The following ADGRG4 variants were observed in gnomAD, a reference collection of about 807,000 sequenced individuals.
ADGRG4 encodes G protein-coupled receptor 112.
ADGRG4 carries 122 observed loss-of-function variants against 126.2 expected under a neutral mutation model. The observed-to-expected ratio is 0.97, with a 90% CI of 0.83 to 1.12. The LOEUF is 1.12. Among genes scored for constraint, ADGRG4 ranks in the 50% most tolerant of loss-of-function variants. The pLI is 0.00. For synonymous variants in ADGRG4, 943 were observed against 838.7 expected (o/e 1.12, Z -2.15); for missense variants, 2,481 against 2,251.8 (o/e 1.10, Z -2.06).
At chrX:136,416,354 C>T in intron 25 of ADGRG4, 100 bp from the exon 26 acceptor site, 1 of 616,416 alleles carries the variant, frequency 1.6e-6, no homozygotes, top group Non-Finnish European at 2.6e-6. Flanking sequence ...CTTCTAATTG[C>T]TTTATTTTTT....
In ADGRG4 at chrX:136,348,073, C is replaced by T. The variant is rs2075031677; in HGVS notation, c.4367C>T (p.Ser1456Phe). 1 of 1,208,396 alleles carries T rather than the reference C, an allele frequency of 8.3e-7. No individual in the cohort carries two copies. The highest frequency in any genetic ancestry group is 1.1e-6 in the Non-Finnish European group (1 of 892,354). ...GTGACTTCAGTTGCCTCTTTCATTT[C>T]TGAAAGCACACAGACTTTCCCTGAG... ...PEVTSVASFISESTQTFPESL... is the reference protein window; with the variant it reads ...PEVTSVASFIFESTQTFPESL... Residue 1456 changes from serine (S) to phenylalanine (F), a missense_variant, in exon 6 of 26, where the codon TCT (serine) becomes TTT (phenylalanine). Ser to Phe is a radical substitution (Grantham distance 155). Coordinates refer to ENST00000394143, the MANE Select transcript of ADGRG4 (RefSeq NM_153834.4).
chrX:136,319,741 ATCT>A (rs1362135241), intron 4 of ADGRG4, among the ~76,000 whole-genome samples: 1 of 107,156 alleles, frequency 9.3e-6, no homozygotes, highest in Non-Finnish European at 1.9e-5. Flanking sequence ...CTATCTATCT[ATCT>A]ATCTATCATC....
At chrX:136,413,565 C>T (rs2075458622) in intron 24 of ADGRG4, among the ~76,000 whole-genome samples, 2 of 111,144 alleles carry the variant, frequency 1.8e-5, no homozygotes, top group Non-Finnish European at 1.9e-5. Context: ...ATATCAGCAA[C>T]CTGCTGGTCC....
chrX:136,348,316 C>A lies in ADGRG4; in HGVS notation c.4610C>A (p.Thr1537Asn). ...TCTGACACTCCCCCAATAGTGATAA[C>A]TAAATCTTCTAAAACAATGCATCCA... is the stretch of plus-strand genomic sequence containing the variant. ...KVSDTPPIVI[T>N]KSSKTMHPGC... Residue 1537 changes from threonine to asparagine, a missense_variant, in exon 6 of 26, where the codon ACT becomes AAT. Thr to Asn is a moderately conservative substitution (Grantham distance 65). Coordinates refer to ENST00000394143, the MANE Select transcript of ADGRG4 (RefSeq NM_153834.4). 8.3e-7 allele frequency: 1 copy of A among 1,208,984 alleles called. No homozygotes were observed.
At chrX:136,304,474 T>C (rs1404595979) in intron 2 of ADGRG4, among the ~76,000 whole-genome samples, 2 of 112,356 alleles carry the variant, frequency 1.8e-5, no homozygotes, top group African/African-American at 6.5e-5. Flanking sequence ...CCAGAGATAT[T>C]TGATGACATA....
rs769608184 is a variant in ADGRG4, at chrX:136,355,915, G to A, written c.6888-211G>A. Among the ~76,000 whole-genome samples, 6 of 111,579 alleles carry A rather than the reference G, an allele frequency of 5.4e-5. No individual in the cohort carries two copies. The Admixed American group carries it at 5.7e-4, about 11-fold the overall frequency. On this transcript the variant is annotated intron_variant, in intron 8 of 25. Transcript: ENST00000394143. ...TTATGGAATAGATTCCAGGATGCAAGGTTAATAAATCAAAGGCTTGCCACC... is the reference window on the plus strand; with the variant it reads ...TTATGGAATAGATTCCAGGATGCAAAGTTAATAAATCAAAGGCTTGCCACC...
chrX:136,413,251 A>G (rs1314980496), intron 24 of ADGRG4, among the ~76,000 whole-genome samples: 2 of 33,186 alleles, frequency 6.0e-5, no homozygotes, highest in Non-Finnish European at 1.1e-4. Flanking sequence ...CCCGCACCCC[A>G]CAACAGTCCC....
intron 5 of ADGRG4, among the ~76,000 whole-genome samples, chrX:136,343,277 G>A (rs903742827): frequency 1.8e-5 from 2 of 110,946 alleles, no homozygotes; most frequent in African/African-American, 6.6e-5. Flanking sequence ...TACCAGAAGA[G>A]GACCCAGTTT....
rs750733398 is a variant in ADGRG4 at position 136,412,349 on chromosome X, G to A, written c.9020G>A (p.Arg3007Gln). Residue 3007 changes from arginine (R) to glutamine (Q), a missense_variant, in exon 24 of 26, where the codon CGA (arginine) becomes CAA (glutamine). Coordinates refer to ENST00000394143, the MANE Select transcript of ADGRG4 (RefSeq NM_153834.4). ...ATACACCTCTGCTGTGGGTGGTTGC[G>A]ATTGGATAACTCTTCTGGTAAGATG... Reference protein sequence around the residue: ...WQIHLCCGWLRLDNSSDGSSR... With the variant: ...WQIHLCCGWLQLDNSSDGSSR... 3.0e-5 allele frequency: 35 copies of A among 1,165,517 alleles called. No individual in the cohort carries two copies. The highest frequency in any genetic ancestry group is 8.9e-5 in the East Asian group (3 of 33,657).
Position 136,399,768 on chromosome X carries a change from T to C in ADGRG4, c.8307-80T>C, listed in dbSNP as rs1336191403. ...GTAATTCTTTTATTCTTTCACTTAT[T>C]ATGTAGATAAGATGTGGCGATGTTT... On this transcript the variant is annotated intron_variant, in intron 20 of 25. Transcript: ENST00000394143. 5 of 825,794 alleles carry C rather than the reference T, an allele frequency of 6.1e-6. No homozygotes were observed. In the Admixed American group the frequency reaches 1.2e-4, roughly 20 times the overall value. The allele number at this position is 825,794 out of a possible 1,213,427, so 68.1% of individuals were successfully genotyped here.
rs375011333 is a variant in ADGRG4, at chrX:136,347,481, G to A, written c.3775G>A (p.Asp1259Asn). 1 of 1,206,798 alleles carries A rather than the reference G, an allele frequency of 8.3e-7. No homozygotes were observed. Among genetic ancestry groups the A allele is most frequent in the Non-Finnish European group, 1.1e-6 (1 of 892,343 alleles). Residue 1259 changes from aspartate (D) to asparagine (N), a missense_variant, in exon 6 of 26, where the codon GAC becomes AAC. Transcript: ENST00000394143. ...CACCTCTGTCTTATCTTCCGACAAA[G>A]ACCAGATGACCATATCCCTGGGAAA... is the stretch of plus-strand genomic sequence containing the variant. ...TSTSVLSSDK[D>N]QMTISLGKTP...
chrX:136,373,582 A>G (rs2075207794), intron 15 of ADGRG4, among the ~76,000 whole-genome samples: 1 of 112,000 alleles, frequency 8.9e-6, no homozygotes, highest in Non-Finnish European at 1.9e-5. Flanking sequence ...AAGTAATAAA[A>G]TGTACATATA....
At chrX:136,366,963 C>A (rs896571649) in intron 13 of ADGRG4, among the ~76,000 whole-genome samples, 7 of 110,628 alleles carry the variant, frequency 6.3e-5, no homozygotes, top group African/African-American at 9.9e-5. Context: ...GAGGGTGGAA[C>A]CTTCATGAAT....
intron 16 of ADGRG4, among the ~76,000 whole-genome samples, chrX:136,391,421 A>G (rs1169431142): frequency 1.8e-5 from 2 of 111,679 alleles, no homozygotes; most frequent in Non-Finnish European, 3.8e-5. Context: ...AGCAAGCCCC[A>G]CTTCTCAAGA....
chrX:136,392,654 C>A (rs1432333623), intron 17 of ADGRG4, among the ~76,000 whole-genome samples: 3 of 111,985 alleles, frequency 2.7e-5, no homozygotes, highest in African/African-American at 9.7e-5. Flanking sequence ...GCGAGACAAG[C>A]AACTTCACTC....
In ADGRG4 at chrX:136,345,077, A is replaced by G. The variant is rs375616928; in HGVS notation, c.1371A>G (p.Ala457=). Residue 457 remains alanine, a synonymous_variant, in exon 6 of 26, where the codon GCA becomes GCG. Transcript: ENST00000394143. ...PWFTVEKTSP[A]STHVGTASSF... ...TTACAGTGGAAAAGACTTCACCTGC[A>G]TCTACTCATGTTGGGACTGCATCAT... 3.3e-6 allele frequency: 4 copies of G among 1,209,334 alleles called. No individual in the cohort carries two copies. The highest frequency in any genetic ancestry group is 4.5e-6 in the Non-Finnish European group (4 of 894,368).
Position 136,323,327 on chromosome X carries a change from G to C in ADGRG4, c.620G>C (p.Ser207Thr). 1 of 1,210,155 alleles carries C rather than the reference G, an allele frequency of 8.3e-7. No homozygotes were observed. Among genetic ancestry groups the C allele is most frequent in the Non-Finnish European group, 1.1e-6 (1 of 894,418 alleles). The change falls in exon 5 of 26, where the codon AGT becomes ACT. Residue 207 changes from serine to threonine, a missense_variant. By Grantham distance (58) the Ser-to-Thr change is moderately conservative. Transcript: ENST00000394143. The part of the protein sequence containing the change: ...FMKCLDGNIV[S>T]WEEDVWLVNK... The stretch of plus-strand genomic sequence containing the variant: ...AAGTGTTTAGATGGAAATATAGTTA[G>C]TTGGGAAGAAGACGTCTGGCTTGTC...
intron 1 of ADGRG4, among the ~76,000 whole-genome samples, chrX:136,301,490 C>CT (rs768441857): frequency 1.8e-3 from 205 of 111,854 alleles, no homozygotes; most frequent in Non-Finnish European, 2.6e-3. Flanking sequence ...GATATTAGCC[C>CT]TTTGTCAGAT....
At chrX:136,414,765 T>C (rs773236557) in intron 25 of ADGRG4, among the ~76,000 whole-genome samples, 2 of 112,207 alleles carry the variant, frequency 1.8e-5, no homozygotes, top group Non-Finnish European at 1.9e-5. Flanking sequence ...CCAGTAGAAC[T>C]GGGGCCAGTC....
Sources: allele counts gnomAD v4.1 joint callset (sites outside exome capture counted in the v4.1 genomes callset), GRCh38; gene constraint gnomAD v4.1.1; transcripts MANE v1.5; gene names NCBI Gene and HGNC (gene_info 2026-07-23, HGNC 2026-07-21).